GRIA2: variants seen among roughly 807,000 people sequenced by gnomAD.
The protein encoded by GRIA2 is glutamate ionotropic receptor AMPA type subunit 2, also known as glutamate receptor 2.
In GRIA2, 14 loss-of-function variants were observed where a neutral mutation model predicts 97.3. The ratio of observed to expected loss-of-function variants is 0.14; its 90% CI spans 0.10 to 0.23. GRIA2 has a LOEUF of 0.23. GRIA2 is among the 10% of genes least tolerant of loss of function. The pLI, the probability that GRIA2 is intolerant of heterozygous loss-of-function variation, is 1.00. For synonymous variants in GRIA2, 412 were observed against 387.8 expected, an observed-to-expected ratio of 1.06 and a Z score of -0.73; for missense variants, 558 against 1,069.8, an observed-to-expected ratio of 0.52 and a Z score of 6.67.
intron 2 of GRIA2, among the ~76,000 whole-genome samples, chr4:157,267,452 A>G (rs1389770782): frequency 6.6e-6 from 1 of 151,888 alleles, no homozygotes; most frequent in Non-Finnish European, 1.5e-5. Flanking sequence ...GAGGGATATG[A>G]AAAGCAAAAT....
chr4:157,231,779 T>C (rs893664126), intron 2 of GRIA2, among the ~76,000 whole-genome samples: 4 of 152,200 alleles, frequency 2.6e-5, no homozygotes, highest in African/African-American at 9.6e-5. Context: ...TTTTATATTA[T>C]ACTGGTATTA....
chr4:157,329,406 CT>C (rs1734950110), intron 6 of GRIA2, among the ~76,000 whole-genome samples: 1 of 151,832 alleles, frequency 6.6e-6, no homozygotes, highest in Non-Finnish European at 1.5e-5. Context: ...GGCCATAAAA[CT>C]TTTTAACATT....
At chr4:157,359,401 G>C (rs1465838290) in intron 12 of GRIA2, among the ~76,000 whole-genome samples, 1 of 152,106 alleles carries the variant, frequency 6.6e-6, no homozygotes, top group African/African-American at 2.4e-5. Context: ...GTCAGTATTA[G>C]ATAGAAGTTT....
At chr4:157,267,067 A>C (rs1366120219) in intron 2 of GRIA2, among the ~76,000 whole-genome samples, 3 of 152,028 alleles carry the variant, frequency 2.0e-5, no homozygotes, top group Non-Finnish European at 4.4e-5. Context: ...AATTTAAAAA[A>C]AGAAAAAAAG....
intron 2 of GRIA2, among the ~76,000 whole-genome samples, chr4:157,279,150 A>G (rs1307362297): frequency 6.6e-6 from 1 of 152,146 alleles, no homozygotes; most frequent in African/African-American, 2.4e-5. Flanking sequence ...AAAAACCTGT[A>G]CTTGGGTATT....
chr4:157,240,175 GT>G (rs1730441607), intron 2 of GRIA2, among the ~76,000 whole-genome samples: 1 of 152,110 alleles, frequency 6.6e-6, no homozygotes, highest in African/African-American at 2.4e-5. Flanking sequence ...ATGCATGCAT[GT>G]ATATGCATGG....
intron 2 of GRIA2, among the ~76,000 whole-genome samples, chr4:157,296,661 T>C (rs377269962): frequency 3.0e-4 from 46 of 152,290 alleles, no homozygotes; most frequent in African/African-American, 9.6e-4. Context: ...TTCTACCAGG[T>C]GCCCAGGGAA....
intron 3 of GRIA2, among the ~76,000 whole-genome samples, chr4:157,305,427 AT>A (rs1050142528): frequency 6.6e-5 from 10 of 152,038 alleles, no homozygotes; most frequent in Admixed American, 3.9e-4. Context: ...CTGTTAAAAA[AT>A]TTTTTTTGGA....
chr4:157,229,501 C>T (rs1729905483), intron 2 of GRIA2, among the ~76,000 whole-genome samples: 1 of 152,242 alleles, frequency 6.6e-6, no homozygotes, highest in East Asian at 1.9e-4. Flanking sequence ...TACCAGGTTC[C>T]TTATAGAAAG....
chr4:157,252,746 T>G, intron 2 of GRIA2, among the ~76,000 whole-genome samples: 1 of 152,096 alleles, frequency 6.6e-6, no homozygotes, highest in East Asian at 1.9e-4. Flanking sequence ...ATAAAATGTT[T>G]ATTTATATGG....
At chr4:157,342,838 C>T (rs76100113) in intron 12 of GRIA2, among the ~76,000 whole-genome samples, 2 of 152,178 alleles carry the variant, frequency 1.3e-5, no homozygotes, top group East Asian at 3.9e-4. Flanking sequence ...TTCAGACTCT[C>T]TCTTCCAGTT....
intron 3 of GRIA2, 48 bp downstream of exon 3, chr4:157,303,839 TACACTTG>T (rs1412310936): frequency 6.4e-7 from 1 of 1,569,298 alleles, no homozygotes; most frequent in Non-Finnish European, 8.8e-7. Flanking sequence ...ATTCAATGCC[TACACTTG>T]ACACTTCTAT....
intron 2 of GRIA2, among the ~76,000 whole-genome samples, chr4:157,228,050 T>G (rs894625039): frequency 1.3e-5 from 2 of 152,238 alleles, no homozygotes; most frequent in Non-Finnish European, 2.9e-5. Context: ...TAATTTTAAC[T>G]TATAGAATGA....
chr4:157,361,207 C>T lies in GRIA2; in HGVS notation c.2406+83C>T. On this transcript the variant is annotated intron_variant, in intron 14 of 15. Transcript: ENST00000264426. This position sits in a 1 kb window ranked among gnomAD's most constrained non-coding sequence, Gnocchi z 5.2. ...CTATGCACAGTGTGGGCACTCCGTG[C>T]CACCAAGTTTCCAACGCTAAGCTGA... 9.4e-7 allele frequency: 1 copy of T among 1,059,772 alleles called. No homozygotes were observed. Among genetic ancestry groups the T allele is most frequent in the Non-Finnish European group, 1.4e-6 (1 of 701,982 alleles). 65.6% of individuals were successfully genotyped at this position (1,059,772 alleles called of 1,614,324 possible). A position where few individuals can be genotyped will look rare whatever the true frequency, so the allele number is the denominator to read the frequency against.
intron 2 of GRIA2, among the ~76,000 whole-genome samples, chr4:157,273,491 AGT>A (rs1732127907): frequency 6.6e-6 from 1 of 152,102 alleles, no homozygotes; most frequent in African/African-American, 2.4e-5. Context: ...AAAAGTAAAC[AGT>A]ATGCAGTTAT....
Position 157,312,530 on chromosome 4 carries a change from T to C in GRIA2, c.470-149T>C, listed in dbSNP as rs996213192. The C allele has an allele frequency of 1.4e-5, 7 of 499,280 alleles. No individual in the cohort carries two copies. In the Admixed American group the frequency reaches 2.3e-4, roughly 16 times the overall value. The allele number at this position is 499,280 out of a possible 1,614,324, so 30.9% of individuals were successfully genotyped here. On this transcript the variant is annotated intron_variant, in intron 3 of 15. Transcript: ENST00000264426. Reference sequence around the variant, plus strand: ...TGACATAAGTAGAAGGTGATAAAGATCATAGCTATAGCTTTTTTTGAAGGA... The same window carrying C: ...TGACATAAGTAGAAGGTGATAAAGACCATAGCTATAGCTTTTTTTGAAGGA...
chr4:157,248,924 ACCT>A (rs1436067321), intron 2 of GRIA2, among the ~76,000 whole-genome samples: 1 of 150,956 alleles, frequency 6.6e-6, no homozygotes, highest in Non-Finnish European at 1.5e-5. Context: ...TGTAACTTTA[ACCT>A]CCTGGAATCA....
At chr4:157,326,320 G>C (rs1012421801) in intron 6 of GRIA2, among the ~76,000 whole-genome samples, 1 of 152,106 alleles carries the variant, frequency 6.6e-6, no homozygotes, top group African/African-American at 2.4e-5. Context: ...CCCTGATCCA[G>C]CTTTCCCAAT....
chr4:157,333,076 G>T, intron 7 of GRIA2, 90 bp downstream of exon 7: 1 of 1,089,142 alleles, frequency 9.2e-7, no homozygotes. Flanking sequence ...CTTATTCCTT[G>T]TGTCTAATAT....
Sources: gnomAD v4.1 joint callset for allele counts (sites outside exome capture counted in the v4.1 genomes callset) on GRCh38, gnomAD v4.1.1 for gene constraint, Gnocchi (gnomAD v3.1) non-coding constraint, MANE v1.5 for transcripts, NCBI Gene and HGNC (gene_info 2026-07-23, HGNC 2026-07-21) for gene names.